APOF: variants seen among roughly 807,000 people sequenced by gnomAD.
The protein encoded by APOF is lipid transfer inhibitor protein.
Under a neutral mutation model 2.4 loss-of-function variants are expected in APOF, and 2 were observed. The ratio of observed to expected loss-of-function variants is 0.83; its 90% CI spans 0.34 to 2.61. The LOEUF (loss-of-function observed/expected upper bound fraction) is 2.61. Among genes scored for constraint, APOF ranks in the 30% most tolerant of loss-of-function variants. APOF has a pLI of 0.11. For missense variants in APOF, 370 were observed against 388.7 expected, an observed-to-expected ratio of 0.95 and a Z score of 0.40; for synonymous variants, 149 against 155.6, an observed-to-expected ratio of 0.96 and a Z score of 0.32.
At position 56,362,092 on chromosome 12, in the gene APOF, T is replaced by C. The variant is rs766757337; in HGVS notation, c.114A>G (p.Ser38=). 25 of 1,613,872 alleles carry C rather than the reference T, an allele frequency of 1.5e-5. No homozygotes were observed. In the South Asian group the frequency reaches 2.6e-4, roughly 17 times the overall value. ...YLLLHPVDAT[S]YGKQTNVLMH... ...TCAAGACATTTGTCTGCTTTCCATA[T>C]GAAGTGGCATCCACAGGGTGCAGCA... Residue 38 remains serine (S), a synonymous_variant, in exon 2 of 2, where the codon TCA becomes TCG. Transcript: ENST00000398189.
At chr12:56,362,403 C>T (rs1880427049) in intron 1 of APOF, among the ~76,000 whole-genome samples, 1 of 152,172 alleles carries the variant, frequency 6.6e-6, no homozygotes, top group Non-Finnish European at 1.5e-5. Flanking sequence ...GAGGGATCCT[C>T]CTGCCTCAGC....
chr12:56,361,503 C>G lies in APOF; in HGVS notation c.703G>C (p.Gly235Arg), dbSNP rs763820304. ...LLMTMAGMSG[G>R]PMGLAISAAL... ...GCACTGATCGCTAGACCCATAGGCC[C>G]CCCTGACATCCCAGCCATGGTCATC... Residue 235 changes from glycine (G) to arginine (R), a missense_variant, in exon 2 of 2, where the codon GGG (glycine) becomes CGG (arginine). By Grantham distance (125) the Gly-to-Arg change is moderately radical. Coordinates refer to ENST00000398189, the MANE Select transcript of APOF (RefSeq NM_001638.4). 12 of 1,614,032 alleles carry G rather than the reference C, an allele frequency of 7.4e-6. No individual in the cohort carries two copies. The highest frequency in any genetic ancestry group is 1.3e-5 in the African/African-American group (1 of 75,040).
In APOF at chr12:56,362,177, G is replaced by A. The variant is rs1161239503; in HGVS notation, c.29C>T (p.Pro10Leu). 1.9e-6 allele frequency: 3 copies of A among 1,612,324 alleles called. No homozygotes were observed. The highest frequency in any genetic ancestry group is 2.5e-6 in the Non-Finnish European group (3 of 1,179,592). Reference protein sequence around the residue: MTGLCGYSAPDMRGLRLIMI... With the variant: MTGLCGYSALDMRGLRLIMI... Reference sequence around the variant, plus strand: ...GATGAGTCTGAGGCCACGCATGTCTGGAGCAGAGTACCCTAGAAAGGGGAG... The same window carrying A: ...GATGAGTCTGAGGCCACGCATGTCTAGAGCAGAGTACCCTAGAAAGGGGAG... Residue 10 changes from proline to leucine, a missense_variant, in exon 2 of 2, where the codon CCA (proline) becomes CTA (leucine). Pro to Leu is a moderately conservative substitution (Grantham distance 98). Coordinates refer to ENST00000398189, the MANE Select transcript of APOF (RefSeq NM_001638.4).
Position 56,361,465 on chromosome 12 carries a change from A to G in APOF, c.741T>C (p.Pro247=). The G allele has an allele frequency of 9.3e-6, 15 of 1,614,018 alleles. No homozygotes were observed. Among genetic ancestry groups the G allele is most frequent in the Non-Finnish European group, 1.2e-5 (14 of 1,179,898 alleles). Residue 247 remains proline, a synonymous_variant, in exon 2 of 2, where the codon CCT becomes CCC. Coordinates refer to ENST00000398189, the MANE Select transcript of APOF (RefSeq NM_001638.4). ...MGLAISAALK[P]ALRSGVQQLI... ...ACTGCTGAACCCCAGACCTTAATGC[A>G]GGTTTAAGTGCAGCACTGATCGCTA...
At chr12:56,362,333 G>T in intron 1 of APOF, 144 bp from the exon 2 acceptor site, 1 of 1,012,430 alleles carries the variant, frequency 9.9e-7, no homozygotes, top group Non-Finnish European at 1.4e-6. Flanking sequence ...TTGCTCTGTT[G>T]CCCAGACTAG....
chr12:56,362,272 C>T (rs1880424003), intron 1 of APOF, 83 bp from the exon 2 acceptor site: 16 of 1,463,626 alleles, frequency 1.1e-5, no homozygotes, highest in Non-Finnish European at 1.4e-5. Context: ...GGGGACACCT[C>T]ATACATCACC....
In APOF at chr12:56,362,082, G is replaced by T; in HGVS notation, c.124C>A (p.Gln42Lys). 1 of 1,613,990 alleles carries T rather than the reference G, an allele frequency of 6.2e-7. No homozygotes were observed. Among genetic ancestry groups the T allele is most frequent in the Non-Finnish European group, 8.5e-7 (1 of 1,179,878 alleles). ...HPVDATSYGK[Q>K]TNVLMHFPLS... ...GGAAAGTGCATCAAGACATTTGTCT[G>T]CTTTCCATATGAAGTGGCATCCACA... The change falls in exon 2 of 2, where the codon CAG becomes AAG. Residue 42 changes from glutamine (Q) to lysine (K), a missense_variant. Transcript: ENST00000398189.
rs1393423049 is a variant in APOF, at chr12:56,361,337, G to T, written c.869C>A (p.Thr290Lys). 1.2e-6 allele frequency: 2 copies of T among 1,613,922 alleles called. No individual in the cohort carries two copies. The highest frequency in any genetic ancestry group is 1.3e-5 in the African/African-American group (1 of 74,922). Residue 290 changes from threonine to lysine, a missense_variant, in exon 2 of 2, where the codon ACA becomes AAA. Thr to Lys is a moderately conservative substitution (Grantham distance 78). Coordinates refer to ENST00000398189, the MANE Select transcript of APOF (RefSeq NM_001638.4). ...TGATATGAAAGAAGCCAGAGTAGTT[G>T]TTTCTTCCAAGTCACTCACATCTGA... Reference protein sequence around the residue: ...AISDVSDLEETTTLASFISEV... With the variant: ...AISDVSDLEEKTTLASFISEV...
At chr12:56,362,234 G>A in intron 1 of APOF, 45 bp from the exon 2 acceptor site, 1 of 1,579,696 alleles carries the variant, frequency 6.3e-7, no homozygotes, top group South Asian at 1.2e-5. Context: ...TTTCCCTAAG[G>A]GCGATGGTGA....
Position 56,361,486 on chromosome 12 carries a change from C to T in APOF, c.720G>A (p.Ala240=), listed in dbSNP as rs556656613. Residue 240 remains alanine, a synonymous_variant, in exon 2 of 2, where the codon GCG becomes GCA. Transcript: ENST00000398189. ...AGMSGGPMGL[A]ISAALKPALR... is the part of the protein sequence containing the mutation. ...ATGCAGGTTTAAGTGCAGCACTGAT[C>T]GCTAGACCCATAGGCCCCCCTGACA... is the stretch of plus-strand genomic sequence containing the variant. The T allele has an allele frequency of 2.6e-5, 42 of 1,613,900 alleles. No individual in the cohort carries two copies. The highest frequency in any genetic ancestry group is 4.0e-5 in the African/African-American group (3 of 74,934).
chr12:56,362,063 T>C lies in APOF; in HGVS notation c.143A>G (p.His48Arg), dbSNP rs1397593695. ...SYGKQTNVLM[H>R]FPLSLESQTP... ...CTGGGATTCCAAGGACAAGGGAAAG[T>C]GCATCAAGACATTTGTCTGCTTTCC... The change falls in exon 2 of 2, where the codon CAC becomes CGC. Residue 48 changes from histidine (H) to arginine (R), a missense_variant. Coordinates refer to ENST00000398189, the MANE Select transcript of APOF (RefSeq NM_001638.4). 8 of 1,613,918 alleles carry C rather than the reference T, an allele frequency of 5.0e-6. No individual in the cohort carries two copies. The highest frequency in any genetic ancestry group is 2.2e-5 in the East Asian group (1 of 44,888).
chr12:56,361,619 C>A lies in APOF; in HGVS notation c.587G>T (p.Gly196Val). ...LPGVGTFYNLGTALYYATQNC... is the reference protein window; with the variant it reads ...LPGVGTFYNLVTALYYATQNC... ...TTGAGTAGCATAATACAAAGCTGTG[C>A]CCAGGTTGTAGAAGGTTCCCACTCC... Residue 196 changes from glycine (G) to valine (V), a missense_variant, in exon 2 of 2, where the codon GGC becomes GTC. By Grantham distance (109) the Gly-to-Val change is moderately radical. Transcript: ENST00000398189. 6.2e-7 allele frequency: 1 copy of A among 1,613,892 alleles called. No individual in the cohort carries two copies. Among genetic ancestry groups the A allele is most frequent in the Non-Finnish European group, 8.5e-7 (1 of 1,179,830 alleles).
At position 56,361,389 on chromosome 12, in the gene APOF, T is replaced by C; in HGVS notation, c.817A>G (p.Thr273Ala). The change falls in exon 2 of 2, where the codon ACC (threonine) becomes GCC (alanine). Residue 273 changes from threonine to alanine, a missense_variant. Physicochemically the swap from Thr to Ala is moderately conservative, Grantham distance 58. Coordinates refer to ENST00000398189, the MANE Select transcript of APOF (RefSeq NM_001638.4). ...ATGGCCCTCAAACCCTCCTTGGTGG[T>C]CTCCGGCTGAGAGATGTTTGCGTCT... The part of the protein sequence containing the change: ...QKDANISQPE[T>A]TKEGLRAISD... The C allele has an allele frequency of 3.1e-6, 5 of 1,614,032 alleles. No individual in the cohort carries two copies. Among genetic ancestry groups the C allele is most frequent in the Non-Finnish European group, 4.2e-6 (5 of 1,179,900 alleles).
At position 56,362,102 on chromosome 12, in the gene APOF, T is replaced by C; in HGVS notation, c.104A>G (p.Asp35Gly). Residue 35 changes from aspartate to glycine, a missense_variant, in exon 2 of 2, where the codon GAT becomes GGT. Coordinates refer to ENST00000398189, the MANE Select transcript of APOF (RefSeq NM_001638.4). Reference protein sequence around the residue: ...LLCYLLLHPVDATSYGKQTNV... With the variant: ...LLCYLLLHPVGATSYGKQTNV... ...TGTCTGCTTTCCATATGAAGTGGCA[T>C]CCACAGGGTGCAGCAGGAGGTAGCA... 1 of 1,613,956 alleles carries C rather than the reference T, an allele frequency of 6.2e-7. No individual in the cohort carries two copies. Among genetic ancestry groups the C allele is most frequent in the South Asian group, 1.1e-5 (1 of 91,076 alleles).
chr12:56,361,091 C>A lies in APOF; in HGVS notation c.*134G>T. 1.8e-6 allele frequency: 2 copies of A among 1,123,908 alleles called. No homozygotes were observed. The highest frequency in any genetic ancestry group is 2.5e-6 in the Non-Finnish European group (2 of 812,584). 69.6% of individuals were successfully genotyped at this position (1,123,908 alleles called of 1,614,324 possible). The stretch of plus-strand genomic sequence containing the variant: ...GATTCGAAACCAAACCCTGTGACTT[C>A]AACACCCAAACATTTACGTTCTTAC... On this transcript the variant is annotated 3_prime_UTR_variant, in exon 2 of 2. Transcript: ENST00000398189.
rs1261930398 is a variant in APOF at position 56,362,848 on chromosome 12, A to G, written c.-103T>C. ...GAGATATTTGCTTTCCCCTATGATC[A>G]GTGAAGGATGTAATCTCTGCAAATA... On this transcript the variant is annotated 5_prime_UTR_variant, in exon 1 of 2. Transcript: ENST00000398189. 2.2e-6 allele frequency: 3 copies of G among 1,371,862 alleles called. No individual in the cohort carries two copies. In the African/African-American group the frequency reaches 4.3e-5, roughly 20 times the overall value. 85.0% of individuals were successfully genotyped at this position (1,371,862 alleles called of 1,614,324 possible).
chr12:56,361,733 C>A lies in APOF; in HGVS notation c.473G>T (p.Ser158Ile), dbSNP rs756311933. The change falls in exon 2 of 2, where the codon AGC becomes ATC. Residue 158 changes from serine to isoleucine, a missense_variant. By Grantham distance (142) the Ser-to-Ile change is moderately radical. Transcript: ENST00000398189. ...ALQLLAREQQSTGRVGRSLPT... is the reference protein window; with the variant it reads ...ALQLLAREQQITGRVGRSLPT... ...GAGGGAGCGCCCGACCCTTCCTGTG[C>A]TTTGCTGCTCCCTGGCTAACAGCTG... 2 of 1,609,230 alleles carry A rather than the reference C, an allele frequency of 1.2e-6. No individual in the cohort carries two copies. The highest frequency in any genetic ancestry group is 1.7e-6 in the Non-Finnish European group (2 of 1,177,786).
rs2136108842 is a variant in APOF at position 56,361,195 on chromosome 12, A to C, written c.*30T>G. On this transcript the variant is annotated 3_prime_UTR_variant, in exon 2 of 2. Coordinates refer to ENST00000398189, the MANE Select transcript of APOF (RefSeq NM_001638.4). Reference sequence around the variant, plus strand: ...TGTATATAGCTTGTCAGGGTAGTACAGTTATTAATTCTGTGGTTACCACAT... The same window carrying C: ...TGTATATAGCTTGTCAGGGTAGTACCGTTATTAATTCTGTGGTTACCACAT... The C allele has an allele frequency of 6.3e-7, 1 of 1,596,654 alleles. No homozygotes were observed. The highest frequency in any genetic ancestry group is 1.3e-5 in the African/African-American group (1 of 74,416).
rs185097228 is a variant in APOF at position 56,362,584 on chromosome 12, C to T, written c.16+146G>A. 45 of 772,266 alleles carry T rather than the reference C, an allele frequency of 5.8e-5. No individual in the cohort carries two copies. The Middle Eastern group carries it at 1.1e-3, about 19-fold the overall frequency. The allele number at this position is 772,266 out of a possible 1,614,324, so 47.8% of individuals were successfully genotyped here. ...ATAGGCTTCCAGATGTGAGCCACCG[C>T]GCCTGGCCCCAAGCTTCTGTTCTTT... is the stretch of plus-strand genomic sequence containing the variant. On this transcript the variant is annotated intron_variant, in intron 1 of 1. Coordinates refer to ENST00000398189, the MANE Select transcript of APOF (RefSeq NM_001638.4).
Sources: allele counts gnomAD v4.1 joint callset (sites outside exome capture counted in the v4.1 genomes callset), GRCh38; gene constraint gnomAD v4.1.1; transcripts MANE v1.5; gene names NCBI Gene and HGNC (gene_info 2026-07-23, HGNC 2026-07-21).